KCP: variants seen among roughly 807,000 people sequenced by gnomAD.
KCP encodes kielin cysteine rich BMP regulator.
KCP carries 194 observed loss-of-function variants against 212.7 expected under a neutral mutation model. That is an observed-to-expected ratio of 0.91 (90% CI 0.81 to 1.03). The LOEUF (loss-of-function observed/expected upper bound fraction) is 1.03. Ranked by LOEUF, KCP falls within the 50% of genes least tolerant of loss-of-function variation. The pLI, the probability that KCP is intolerant of heterozygous loss-of-function variation, is 0.00. For missense variants in KCP, 2,080 were observed against 2,162.5 expected (o/e 0.96, Z 0.76); for synonymous variants, 833 against 865.3 (o/e 0.96, Z 0.65).
At chr7:128,891,856 A>C (rs975554135) in intron 16 of KCP, 37 bp from the exon 17 acceptor site, 28 of 1,392,990 alleles carry the variant, frequency 2.0e-5, no homozygotes, top group Non-Finnish European at 2.6e-5. Context: ...ATGAGGGCAA[A>C]GCCTGACAGT....
chr7:128,879,605 C>T lies in KCP; in HGVS notation c.4063G>A (p.Ala1355Thr). 1 of 1,550,542 alleles carries T rather than the reference C, an allele frequency of 6.4e-7. No homozygotes were observed. Among genetic ancestry groups the T allele is most frequent in the Non-Finnish European group, 8.7e-7 (1 of 1,146,948 alleles). The stretch of plus-strand genomic sequence containing the variant: ...AGCGGCTCCTGCAGGAAGGGCAAGG[C>T]CACCGGGTGCCCATCCACCTGGAGG... ...GAVTVDGHPV[A>T]LPFLQEPLLY... Residue 1355 changes from alanine to threonine, a missense_variant, in exon 37 of 40, where the codon GCC (alanine) becomes ACC (threonine). Physicochemically the swap from Ala to Thr is moderately conservative, Grantham distance 58. Transcript: ENST00000610776.
intron 28 of KCP, 74 bp from the exon 29 acceptor site, chr7:128,884,196 C>T: frequency 1.3e-6 from 2 of 1,484,242 alleles, no homozygotes; most frequent in Non-Finnish European, 1.8e-6. Context: ...GGACTTCCGG[C>T]CCCTCCCTCT....
At position 128,893,313 on chromosome 7, in the gene KCP, C is replaced by G; in HGVS notation, c.1192G>C (p.Glu398Gln). Residue 398 changes from glutamate to glutamine, a missense_variant, in exon 13 of 40, where the codon GAG (glutamate) becomes CAG (glutamine). Coordinates refer to ENST00000610776, the MANE Select transcript of KCP (RefSeq NM_001366122.1). ...LCVRCSCQAG[E>Q]VSCEEQECPV... ...CACTCCTGCTCCTCACAGGAGACCT[C>G]GCCAGCCTAGGAGGGAAGCAGGTGA... 6.4e-7 allele frequency: 1 copy of G among 1,551,544 alleles called. No individual in the cohort carries two copies. The highest frequency in any genetic ancestry group is 8.7e-7 in the Non-Finnish European group (1 of 1,146,920).
At chr7:128,896,889 CAAAAAAA>C (rs35522047) in intron 8 of KCP, among the ~76,000 whole-genome samples, 7 of 58,084 alleles carry the variant, frequency 1.2e-4, no homozygotes, top group African/African-American at 2.7e-4. Context: ...GACTCCATCT[CAAAAAAA>C]AAAAAAAAAA....
chr7:128,905,242 A>G (rs1795066786), intron 5 of KCP, among the ~76,000 whole-genome samples: 1 of 152,236 alleles, frequency 6.6e-6, no homozygotes, highest in Non-Finnish European at 1.5e-5. Context: ...CGTCAATTTT[A>G]GTATAAGAAT....
chr7:128,900,956 G>GGGCTGCATTCCCAGATGGTTA (rs1397992431), intron 8 of KCP, among the ~76,000 whole-genome samples: 2 of 152,198 alleles, frequency 1.3e-5, no homozygotes, highest in Non-Finnish European at 2.9e-5. Context: ...GAGACCTACT[G>GGGCTGCATTCCCAGATGGTTA]GGCTGCATTC....
At chr7:128,879,884 T>C (rs1195529591) in intron 35 of KCP, 29 bp downstream of exon 35, 1 of 1,550,972 alleles carries the variant, frequency 6.4e-7, no homozygotes, top group Non-Finnish European at 8.7e-7. Flanking sequence ...GTGTAGGGGT[T>C]GGGGAGAAGA....
intron 2 of KCP, among the ~76,000 whole-genome samples, chr7:128,907,900 G>A (rs960428320): frequency 5.3e-5 from 8 of 152,046 alleles, no homozygotes; most frequent in South Asian, 2.1e-4. Flanking sequence ...AGGCTGAGGC[G>A]GGCAGATCAC....
In KCP at chr7:128,880,520, G is replaced by GTA; in HGVS notation, c.3624_3625insTA (p.Gln1209TyrfsTer52). On this transcript the variant is annotated frameshift_variant, in exon 34 of 40. Coordinates refer to ENST00000610776, the MANE Select transcript of KCP (RefSeq NM_001366122.1). LOFTEE classifies it high-confidence loss of function. ...TCACGGCCCTGGTGCACGCAGGACT[G>GTA]GGTGGGAGCTGAAGGGATAGGAGCT... The GTA allele has an allele frequency of 6.7e-7, 1 of 1,495,712 alleles. No individual in the cohort carries two copies. Among genetic ancestry groups the GTA allele is most frequent in the Admixed American group, 2.2e-5 (1 of 46,108 alleles). The allele number at this position is 1,495,712 out of a possible 1,614,324, so 92.7% of individuals were successfully genotyped here.
In KCP at chr7:128,907,535, G is replaced by A. The variant is rs566390259; in HGVS notation, c.220-82C>T. The A allele has an allele frequency of 1.3e-5, 13 of 1,017,398 alleles. No individual in the cohort carries two copies. In the East Asian group the frequency reaches 3.0e-4, roughly 24 times the overall value. 63.0% of individuals were successfully genotyped at this position (1,017,398 alleles called of 1,614,324 possible). A position where few individuals can be genotyped will look rare whatever the true frequency, so the allele number is the denominator to read the frequency against. On this transcript the variant is annotated intron_variant, in intron 2 of 39. Transcript: ENST00000610776. Reference sequence around the variant, plus strand: ...TAGAGATGAGGGGTGTGAAAATGAGGCAGGATGAGAAAGAAGTTCGCCAAT... The same window carrying A: ...TAGAGATGAGGGGTGTGAAAATGAGACAGGATGAGAAAGAAGTTCGCCAAT...
At chr7:128,886,220 G>A (rs540492757) in intron 26 of KCP, among the ~76,000 whole-genome samples, 4 of 152,290 alleles carry the variant, frequency 2.6e-5, no homozygotes, top group Admixed American at 6.5e-5. Context: ...AATGTGAGCC[G>A]CTGCACCCAG....
In KCP at chr7:128,877,676, T is replaced by C; in HGVS notation, c.4426A>G (p.Lys1476Glu). The C allele has an allele frequency of 6.4e-7, 1 of 1,551,400 alleles. No individual in the cohort carries two copies. The highest frequency in any genetic ancestry group is 8.7e-7 in the Non-Finnish European group (1 of 1,146,956). The change falls in exon 39 of 40, where the codon AAG becomes GAG. Residue 1476 changes from lysine to glutamate, a missense_variant. Coordinates refer to ENST00000610776, the MANE Select transcript of KCP (RefSeq NM_001366122.1). The part of the protein sequence containing the change: ...REANARCGVL[K>E]SSPFSRCHAV... Reference sequence around the variant, plus strand: ...TGGCAGCGACTGAATGGGGAGGACTTCAGCACCCCACACCGGGCATTGGCC... The same window carrying C: ...TGGCAGCGACTGAATGGGGAGGACTCCAGCACCCCACACCGGGCATTGGCC...
In KCP at chr7:128,880,477, C is replaced by A. The variant is rs774570940; in HGVS notation, c.3668G>T (p.Arg1223Leu). The change falls in exon 34 of 40, where the codon CGC becomes CTC. Residue 1223 changes from arginine (R) to leucine (L), a missense_variant. Arg to Leu is a moderately radical substitution (Grantham distance 102). Transcript: ENST00000610776. ...HQGREVASGE[R>L]WTVDTCTSCS... The stretch of plus-strand genomic sequence containing the variant: ...GCTGGTGCAGGTGTCCACAGTCCAG[C>A]GCTCTCCAGAGGCCACCTCACGGCC... 2 of 1,541,542 alleles carry A rather than the reference C, an allele frequency of 1.3e-6. No individual in the cohort carries two copies. Among genetic ancestry groups the A allele is most frequent in the East Asian group, 2.5e-5 (1 of 40,660 alleles).
chr7:128,898,768 G>A (rs957160962), intron 8 of KCP, among the ~76,000 whole-genome samples: 3 of 152,194 alleles, frequency 2.0e-5, no homozygotes, highest in African/African-American at 7.2e-5. Flanking sequence ...TGGAAGGTTT[G>A]TGAAAAATTA....
intron 21 of KCP, 29 bp from the exon 22 acceptor site, chr7:128,889,068 G>A: frequency 1.4e-6 from 2 of 1,463,720 alleles, no homozygotes; most frequent in Non-Finnish European, 1.8e-6. Flanking sequence ...AGAGGCCGAG[G>A]GGAGGGACAG....
At chr7:128,894,610 G>T (rs1046254705) in intron 8 of KCP, among the ~76,000 whole-genome samples, 1 of 151,840 alleles carries the variant, frequency 6.6e-6, no homozygotes, top group African/African-American at 2.4e-5. Flanking sequence ...TTGCAGGTTT[G>T]CAGGTTGCAG....
intron 29 of KCP, among the ~76,000 whole-genome samples, chr7:128,883,223 T>C (rs576108781): frequency 1.9e-4 from 28 of 151,024 alleles, no homozygotes; most frequent in African/African-American, 6.6e-4. Flanking sequence ...CACTGCAACC[T>C]CTGCCTCCCG....
chr7:128,891,862 A>AC (rs1794169439), intron 16 of KCP, 43 bp from the exon 17 acceptor site: 1 of 1,373,268 alleles, frequency 7.3e-7, no homozygotes, highest in African/African-American at 1.5e-5. Flanking sequence ...GCAAAGCCTG[A>AC]CAGTCCCTCC....
chr7:128,910,548 G>A (rs1795378153), intron 1 of KCP, 53 bp downstream of exon 1: 2 of 1,461,654 alleles, frequency 1.4e-6, no homozygotes, highest in Non-Finnish European at 9.1e-7. Context: ...CGGGCTGATA[G>A]GAGGGAGGGG....
Sources: gnomAD v4.1 joint callset for allele counts (sites outside exome capture counted in the v4.1 genomes callset) on GRCh38, gnomAD v4.1.1 for gene constraint, MANE v1.5 for transcripts, NCBI Gene and HGNC (gene_info 2026-07-23, HGNC 2026-07-21) for gene names.